The following CCDC3 variants were observed in gnomAD, a reference collection of about 807,000 sequenced individuals.
CCDC3 encodes the protein coiled-coil domain-containing protein 3.
A neutral mutation model predicts 21.4 loss-of-function variants in CCDC3; 24 were observed. The ratio of observed to expected loss-of-function variants is 1.12; its 90% CI spans 0.81 to 1.58. The LOEUF is 1.58. Ranked by LOEUF, CCDC3 falls within the 40% of genes most tolerant of loss-of-function variation. The probability of loss-of-function intolerance (pLI) is 0.00; values close to 1 mark genes in which losing one functional copy is unlikely to be tolerated. For synonymous variants in CCDC3, 186 were observed against 166.0 expected (o/e 1.12, Z -0.93); for missense variants, 425 against 360.9 (o/e 1.18, Z -1.44).
At chr10:13,050,730 A>T (rs1836595169) in intron 4 of CCDC3, among the ~76,000 whole-genome samples, 2 of 152,048 alleles carry the variant, frequency 1.3e-5, no homozygotes, top group Admixed American at 6.5e-5. Context: ...AAGTGCTTAG[A>T]TTACAGGCGT....
At chr10:12,917,240 C>T (rs1158784763) in intron 2 of CCDC3, among the ~76,000 whole-genome samples, 4 of 127,044 alleles carry the variant, frequency 3.1e-5, no homozygotes, top group Non-Finnish European at 6.2e-5. Flanking sequence ...GTTGCCCAGG[C>T]CGGACTGCAG....
intron 4 of CCDC3, among the ~76,000 whole-genome samples, chr10:13,064,220 G>A (rs576035362): frequency 1.8e-4 from 28 of 152,246 alleles, no homozygotes; most frequent in South Asian, 6.2e-4. Flanking sequence ...CACTGTGCCC[G>A]GCCAGCATGG....
At position 13,093,239 on chromosome 10, in the gene CCDC3, A is replaced by G. The variant is rs371151573; in HGVS notation, c.-503+5286T>C. Among the ~76,000 whole-genome samples the G allele has an allele frequency of 2.0e-4, 30 of 152,268 alleles. 2 individuals carry two copies. The East Asian group carries it at 3.5e-3, about 18-fold the overall frequency. On this transcript the variant is annotated intron_variant, in intron 3 of 6. Coordinates refer to the CCDC3 transcript ENST00000378839. ...CTCACAATCATAGCGGAAGGCGAAA[A>G]GCACATCTTACATGGCGGCAGGCAA...
At chr10:12,914,020 T>C (rs1834309853) in intron 2 of CCDC3, among the ~76,000 whole-genome samples, 1 of 152,228 alleles carries the variant, frequency 6.6e-6, no homozygotes. Context: ...TCTACGTTCA[T>C]CAGAGATTTT....
At chr10:12,902,791 G>A (rs1381176608) in intron 2 of CCDC3, among the ~76,000 whole-genome samples, 1 of 150,554 alleles carries the variant, frequency 6.6e-6, no homozygotes, top group East Asian at 2.0e-4. Flanking sequence ...CTGTTCTCCA[G>A]GCTAGCAAGA....
At chr10:12,975,657 A>T (rs1835406743) in intron 2 of CCDC3, among the ~76,000 whole-genome samples, 1 of 152,160 alleles carries the variant, frequency 6.6e-6, no homozygotes, top group Admixed American at 6.5e-5. Flanking sequence ...TCCTGCTAAC[A>T]GTCATTTTTC....
chr10:13,080,724 G>A (rs1264383029), intron 3 of CCDC3, among the ~76,000 whole-genome samples: 1 of 152,214 alleles, frequency 6.6e-6, no homozygotes, highest in Non-Finnish European at 1.5e-5. Flanking sequence ...ACCTCCAGTG[G>A]CTCCTAGACA....
At chr10:12,929,811 C>CG (rs1305247654) in intron 2 of CCDC3, among the ~76,000 whole-genome samples, 1 of 151,928 alleles carries the variant, frequency 6.6e-6, no homozygotes, top group Admixed American at 6.6e-5. Context: ...TGCAATGGGG[C>CG]GGGGGGATGA....
chr10:13,056,254 C>T (rs1314662784), intron 4 of CCDC3, among the ~76,000 whole-genome samples: 1 of 152,194 alleles, frequency 6.6e-6, no homozygotes, highest in Non-Finnish European at 1.5e-5. Flanking sequence ...AATTTGGGCA[C>T]TGACATCAGC....
At chr10:13,072,510 A>G (rs933994452) in intron 4 of CCDC3, among the ~76,000 whole-genome samples, 4 of 152,228 alleles carry the variant, frequency 2.6e-5, no homozygotes, top group African/African-American at 9.6e-5. Context: ...ATGAGGGAAC[A>G]TGCCCAGGGC....
At chr10:13,019,277 A>G (rs1398116908) in intron 5 of CCDC3, among the ~76,000 whole-genome samples, 6 of 152,164 alleles carry the variant, frequency 3.9e-5, no homozygotes, top group Non-Finnish European at 7.4e-5. Flanking sequence ...TAGAAAGTAT[A>G]GAAGACGTTT....
chr10:13,016,820 A>G (rs1270627751), intron 5 of CCDC3, among the ~76,000 whole-genome samples: 4 of 152,098 alleles, frequency 2.6e-5, no homozygotes, highest in African/African-American at 9.7e-5. Context: ...ACATTAATAC[A>G]GGGTACATCT....
intron 2 of CCDC3, among the ~76,000 whole-genome samples, chr10:12,997,965 A>C (rs913365249): frequency 6.6e-6 from 1 of 152,194 alleles, no homozygotes; most frequent in Non-Finnish European, 1.5e-5. Context: ...GAAAGTTTAC[A>C]AATTTGTGTT....
chr10:12,898,303 G>A lies in CCDC3; in HGVS notation c.*113C>T, dbSNP rs950275548. ...TATCCATTTAGACTCTACCAAATGC[G>A]TGATTAAAAACAAAAACTCTTACAA... On this transcript the variant is annotated 3_prime_UTR_variant, in exon 3 of 3. Coordinates refer to ENST00000378825, the MANE Select transcript of CCDC3 (RefSeq NM_031455.4). 39 of 1,171,308 alleles carry A rather than the reference G, an allele frequency of 3.3e-5. No individual in the cohort carries two copies. The highest frequency in any genetic ancestry group is 1.0e-4 in the East Asian group (4 of 39,036). 72.6% of individuals were successfully genotyped at this position (1,171,308 alleles called of 1,614,324 possible).
At chr10:13,076,641 A>C (rs1432707721) in intron 3 of CCDC3, among the ~76,000 whole-genome samples, 1 of 152,202 alleles carries the variant, frequency 6.6e-6, no homozygotes. Flanking sequence ...CACATAGTAC[A>C]TTCTATGTCC....
intron 5 of CCDC3, among the ~76,000 whole-genome samples, chr10:13,047,914 A>G (rs1182254421): frequency 1.3e-5 from 2 of 152,150 alleles, no homozygotes; most frequent in African/African-American, 4.8e-5. Flanking sequence ...CCTTTCTCCA[A>G]AGACGATTTT....
At chr10:13,011,951 G>T (rs1282171386) in intron 5 of CCDC3, among the ~76,000 whole-genome samples, 1 of 152,134 alleles carries the variant, frequency 6.6e-6, no homozygotes, top group East Asian at 1.9e-4. Flanking sequence ...ACGGGAAAAG[G>T]ACTCCCTATT....
Position 13,057,951 on chromosome 10 carries a change from C to G in CCDC3, c.-269-8010G>C, listed in dbSNP as rs1475202368. 9.9e-6 allele frequency: 6 copies of G among 607,610 alleles called. No individual in the cohort carries two copies. In the African/African-American group the frequency reaches 1.1e-4, roughly 11 times the overall value. The allele number at this position is 607,610 out of a possible 1,614,324, so 37.6% of individuals were successfully genotyped here. A position where few individuals can be genotyped will look rare whatever the true frequency, so the allele number is the denominator to read the frequency against. On this transcript the variant is annotated intron_variant, in intron 4 of 6. Transcript: ENST00000378839. ...GGATTCTCTCATATAGCAGCATGAG[C>G]TTTCTTGTGTATCTCCTCCATCATG...
In CCDC3 at chr10:13,072,860, TTTC is replaced by T. The variant is rs530153597; in HGVS notation, c.-270+1005_-270+1007del. ...TGCACAATCATTTCTTTTCTTTTCT[TTTC>T]TTTCTTTTTTTTTTTTTTTTTGAGA... On this transcript the variant is annotated intron_variant, in intron 4 of 6. Coordinates refer to the CCDC3 transcript ENST00000378839. 4.5e-5 allele frequency among the ~76,000 whole-genome samples: 3 copies of T among 66,432 alleles called. No homozygotes were observed. The East Asian group carries it at 1.9e-3, about 43-fold the overall frequency. The allele number at this position is 66,432 out of a possible 152,430, so 43.6% of individuals were successfully genotyped here. A position where few individuals can be genotyped will look rare whatever the true frequency, so the allele number is the denominator to read the frequency against.
Sources: allele counts gnomAD v4.1 joint callset (sites outside exome capture counted in the v4.1 genomes callset), GRCh38; gene constraint gnomAD v4.1.1; transcripts MANE v1.5; gene names NCBI Gene and HGNC (gene_info 2026-07-23, HGNC 2026-07-21).